Variants in RABGAP1L observed in about 807,000 individuals in gnomAD.
RABGAP1L encodes rab GTPase-activating protein 1-like.
Under a neutral mutation model 137.7 loss-of-function variants are expected in RABGAP1L, and 63 were observed. The observed-to-expected ratio is 0.46, with a 90% CI of 0.37 to 0.56. The LOEUF (loss-of-function observed/expected upper bound fraction) is 0.56, where lower values mean the gene tolerates loss of function less well. Among genes scored for constraint, RABGAP1L ranks in the 20% least tolerant of loss-of-function variants. RABGAP1L has a pLI of 0.00. For missense variants in RABGAP1L, 1,095 were observed against 1,244.0 expected, an observed-to-expected ratio of 0.88 and a Z score of 1.80; for synonymous variants, 431 against 433.7, an observed-to-expected ratio of 0.99 and a Z score of 0.08.
At chr1:174,507,759 A>G (rs2147789196) in intron 13 of RABGAP1L, among the ~76,000 whole-genome samples, 1 of 151,906 alleles carries the variant, frequency 6.6e-6, no homozygotes, top group South Asian at 2.1e-4. Context: ...GGGTCAATGA[A>G]CCCTAAAACC....
At chr1:174,202,082 G>T (rs1168497003) in intron 1 of RABGAP1L, among the ~76,000 whole-genome samples, 2 of 151,662 alleles carry the variant, frequency 1.3e-5, no homozygotes, top group Non-Finnish European at 2.9e-5. Flanking sequence ...CCAAGTCTTT[G>T]CTATTGTGAA....
At chr1:174,938,381 C>T (rs1250641259) in intron 19 of RABGAP1L, 2 of 152,158 alleles carry the variant, frequency 1.3e-5, no homozygotes, top group East Asian at 1.9e-4. Context: ...ATTCTTCCTC[C>T]CTCTCTTTCC....
intron 13 of RABGAP1L, among the ~76,000 whole-genome samples, chr1:174,425,878 G>A (rs150067193): frequency 4.2e-4 from 64 of 151,958 alleles, no homozygotes; most frequent in African/African-American, 1.4e-3. Context: ...CACCCATTTC[G>A]TACACATATA....
intron 17 of RABGAP1L, among the ~76,000 whole-genome samples, chr1:174,743,416 T>G (rs887251670): frequency 1.3e-5 from 2 of 152,182 alleles, no homozygotes; most frequent in African/African-American, 4.8e-5. Flanking sequence ...ATTTCTATGT[T>G]TATCCAAAAA....
At chr1:174,676,180 T>G (rs1677610207) in intron 14 of RABGAP1L, among the ~76,000 whole-genome samples, 1 of 152,162 alleles carries the variant, frequency 6.6e-6, no homozygotes, top group Non-Finnish European at 1.5e-5. Context: ...TGATTTTAGT[T>G]GACAAAACAG....
chr1:174,179,773 G>C (rs933736077), intron 1 of RABGAP1L, among the ~76,000 whole-genome samples: 1 of 152,188 alleles, frequency 6.6e-6, no homozygotes, highest in Non-Finnish European at 1.5e-5. Flanking sequence ...CTCTCTGAAA[G>C]GGTCTTGGGG....
chr1:174,314,474 T>G (rs1422802039), intron 11 of RABGAP1L, among the ~76,000 whole-genome samples: 4 of 152,142 alleles, frequency 2.6e-5, no homozygotes, highest in African/African-American at 9.6e-5. Flanking sequence ...TTTCATTGAT[T>G]GTTCATTTTT....
At chr1:174,181,575 G>C (rs142916330) in intron 1 of RABGAP1L, among the ~76,000 whole-genome samples, 8,182 of 152,140 alleles carry the variant, frequency 0.054, 709 homozygotes, top group African/African-American at 0.18. Flanking sequence ...ATGACCTCGT[G>C]ATCTGCCCAC....
At chr1:174,892,619 T>C (rs1286770351) in intron 19 of RABGAP1L, 9 of 534,066 alleles carry the variant, frequency 1.7e-5, no homozygotes, top group Non-Finnish European at 3.0e-5. Flanking sequence ...TCTTGGCCTG[T>C]ACATTTTCTT....
intron 13 of RABGAP1L, among the ~76,000 whole-genome samples, chr1:174,503,870 C>T (rs1661570565): frequency 6.6e-6 from 1 of 151,452 alleles, no homozygotes; most frequent in Admixed American, 6.6e-5. Context: ...AGGACACAAA[C>T]AAATGGGAAT....
At chr1:174,350,109 C>T (rs1434458218) in intron 11 of RABGAP1L, among the ~76,000 whole-genome samples, 41 of 139,476 alleles carry the variant, frequency 2.9e-4, no homozygotes, top group African/African-American at 1.0e-3. Flanking sequence ...ACCTCCCTCC[C>T]GGACGGCACG....
At chr1:174,787,890 G>A (rs1189175795) in intron 18 of RABGAP1L, among the ~76,000 whole-genome samples, 1 of 152,166 alleles carries the variant, frequency 6.6e-6, no homozygotes, top group Non-Finnish European at 1.5e-5. Context: ...GGTACTGTAG[G>A]GAACTTGGGT....
chr1:174,610,748 T>A (rs1671163837), intron 13 of RABGAP1L, among the ~76,000 whole-genome samples: 1 of 152,256 alleles, frequency 6.6e-6, no homozygotes, highest in Non-Finnish European at 1.5e-5. Context: ...ATCACCATTC[T>A]AACTGGTGTG....
intron 12 of RABGAP1L, among the ~76,000 whole-genome samples, chr1:174,389,031 G>C (rs773670610): frequency 6.6e-6 from 1 of 151,588 alleles, no homozygotes; most frequent in Non-Finnish European, 1.5e-5. Flanking sequence ...AGAGAAAATT[G>C]ATACATATTT....
chr1:174,661,958 A>C (rs1284477166), intron 14 of RABGAP1L, among the ~76,000 whole-genome samples: 1 of 152,202 alleles, frequency 6.6e-6, no homozygotes, highest in African/African-American at 2.4e-5. Flanking sequence ...AAGGATAGTA[A>C]ACAACTATAT....
intron 13 of RABGAP1L, among the ~76,000 whole-genome samples, chr1:174,451,937 T>A (rs549115600): frequency 4.6e-5 from 7 of 152,156 alleles, no homozygotes; most frequent in Non-Finnish European, 8.8e-5. Flanking sequence ...AAAATTGTTT[T>A]GAAGAGGAAG....
At chr1:174,250,339 T>G in intron 5 of RABGAP1L, 136 bp from the exon 6 acceptor site, 1 of 568,228 alleles carries the variant, frequency 1.8e-6, no homozygotes, top group Non-Finnish European at 2.9e-6. Flanking sequence ...GATAAATACT[T>G]AGACTATATA....
chr1:174,550,999 C>CGT (rs1553330295), intron 13 of RABGAP1L, among the ~76,000 whole-genome samples: 2 of 86,372 alleles, frequency 2.3e-5, no homozygotes, highest in Admixed American at 1.2e-4. Flanking sequence ...TATATATACA[C>CGT]ATATATATAT....
At chr1:174,502,766 C>A (rs927569607) in intron 13 of RABGAP1L, among the ~76,000 whole-genome samples, 2 of 151,316 alleles carry the variant, frequency 1.3e-5, no homozygotes, top group African/African-American at 4.9e-5. Flanking sequence ...TCCAGAAATT[C>A]TTTCAGAGAA....
Sources: allele counts gnomAD v4.1 joint callset (sites outside exome capture counted in the v4.1 genomes callset), GRCh38; gene constraint gnomAD v4.1.1; transcripts MANE v1.5; gene names NCBI Gene and HGNC (gene_info 2026-07-23, HGNC 2026-07-21).